Variants in PIN4 observed in about 807,000 individuals in gnomAD.
PIN4 encodes peptidylprolyl cis/trans isomerase, NIMA-interacting 4.
Under a neutral mutation model 8.3 loss-of-function variants are expected in PIN4, and 3 were observed. That is an observed-to-expected ratio of 0.36 (90% CI 0.16 to 0.93). PIN4 has a LOEUF of 0.93. PIN4 is among the 40% of genes least tolerant of loss of function. The pLI is 0.44. For synonymous variants in PIN4, 18 were observed against 32.5 expected (o/e 0.55, Z 1.52); for missense variants, 75 against 100.6 (o/e 0.75, Z 1.09).
At chrX:72,222,686 C>T (rs1383901031) in intron 3 of PIN4, among the ~76,000 whole-genome samples, 6 of 107,737 alleles carry the variant, frequency 5.6e-5, no homozygotes. Flanking sequence ...CAACCTCCGC[C>T]TCCCAGGTTC....
At chrX:72,236,558 T>C (rs2043018455) in intron 3 of PIN4, among the ~76,000 whole-genome samples, 1 of 111,923 alleles carries the variant, frequency 8.9e-6, no homozygotes, top group South Asian at 3.7e-4. Context: ...CCTCCCAAAG[T>C]GCTGGGATTA....
At chrX:72,240,818 G>T (rs749342135) in intron 3 of PIN4, among the ~76,000 whole-genome samples, 2 of 108,353 alleles carry the variant, frequency 1.8e-5, no homozygotes, top group South Asian at 8.6e-4. Context: ...GAAAAGGGTT[G>T]GGGGGAGGTG....
chrX:72,209,674 A>G lies in PIN4; in HGVS notation c.312+12770A>G, dbSNP rs765713796. On this transcript the variant is annotated intron_variant, in intron 3 of 3. Coordinates refer to the PIN4 transcript ENST00000423432. ...CATCATCTCTGGCCTGGATAACTGCAGCTTCCTACATAAACTGCTCTCCCT... is the reference window on the plus strand; with the variant it reads ...CATCATCTCTGGCCTGGATAACTGCGGCTTCCTACATAAACTGCTCTCCCT... Among the ~76,000 whole-genome samples, 3 of 111,573 alleles carry G rather than the reference A, an allele frequency of 2.7e-5. No homozygotes were observed. The East Asian group carries it at 8.5e-4, about 32-fold the overall frequency.
At chrX:72,218,874 A>G (rs753895334) in intron 3 of PIN4, among the ~76,000 whole-genome samples, 1 of 112,651 alleles carries the variant, frequency 8.9e-6, no homozygotes, top group South Asian at 3.6e-4. Context: ...AATTTCTTTC[A>G]ACAATGTTTT....
chrX:72,213,127 G>A (rs2042866058), intron 3 of PIN4, among the ~76,000 whole-genome samples: 1 of 111,926 alleles, frequency 8.9e-6, no homozygotes. Context: ...CATGTGAGTG[G>A]GGTTATTGCT....
chrX:72,238,964 T>A, intron 3 of PIN4: 1 of 1,005,043 alleles, frequency 9.9e-7, no homozygotes, highest in Non-Finnish European at 1.4e-6. Context: ...GCTTGGAGCT[T>A]GGAGCTTGGA....
At chrX:72,205,166 C>T (rs2042809554) in intron 3 of PIN4, 2 of 1,211,751 alleles carry the variant, frequency 1.7e-6, no homozygotes, top group Non-Finnish European at 2.2e-6. Flanking sequence ...ACAAGAGTCT[C>T]ATAGTCATTT....
At chrX:72,192,605 G>A (rs2042741624) in intron 2 of PIN4, among the ~76,000 whole-genome samples, 1 of 110,576 alleles carries the variant, frequency 9.0e-6, no homozygotes, top group African/African-American at 3.3e-5. Context: ...CTTTTTAAGA[G>A]ACAGGTTCTT....
intron 3 of PIN4, among the ~76,000 whole-genome samples, chrX:72,256,451 A>G (rs2043111229): frequency 8.9e-6 from 1 of 111,892 alleles, no homozygotes; most frequent in Non-Finnish European, 1.9e-5. Context: ...GCAGAGAAAA[A>G]GAATTCTTCC....
intron 3 of PIN4, among the ~76,000 whole-genome samples, chrX:72,221,909 AAAACCCCTTCCCTCG>A (rs1288680131): frequency 9.1e-6 from 1 of 109,576 alleles, no homozygotes; most frequent in Non-Finnish European, 1.9e-5. Context: ...CCCTTCCTCC[AAAACCCCTTCCCTCG>A]AAACCCCTTC....
At chrX:72,227,620 A>G (rs1003199509) in intron 3 of PIN4, among the ~76,000 whole-genome samples, 2 of 111,216 alleles carry the variant, frequency 1.8e-5, no homozygotes, top group Admixed American at 9.6e-5. Context: ...ATTTGGGAAT[A>G]TGCTGACAAA....
intron 3 of PIN4, among the ~76,000 whole-genome samples, chrX:72,246,157 T>A (rs1048358913): frequency 8.9e-6 from 1 of 111,806 alleles, no homozygotes; most frequent in African/African-American, 3.3e-5. Flanking sequence ...ATTTCCCATC[T>A]CCATGAATGG....
intron 3 of PIN4, among the ~76,000 whole-genome samples, chrX:72,225,835 T>C (rs1302784703): frequency 9.0e-6 from 1 of 111,338 alleles, no homozygotes; most frequent in Non-Finnish European, 1.9e-5. Context: ...AATCAGGCCC[T>C]TGGACTATTA....
At chrX:72,257,137 G>A (rs1057468673) in intron 3 of PIN4, among the ~76,000 whole-genome samples, 3 of 111,028 alleles carry the variant, frequency 2.7e-5, no homozygotes, top group African/African-American at 9.8e-5. Flanking sequence ...TGGCTAACAC[G>A]GTGAAACCCC....
chrX:72,199,354 A>T (rs1418031652), downstream of PIN4, among the ~76,000 whole-genome samples: 2 of 111,642 alleles, frequency 1.8e-5, no homozygotes, highest in Non-Finnish European at 3.8e-5. Flanking sequence ...CCTGGCCAAC[A>T]TGGTAAAACC....
intron 3 of PIN4, among the ~76,000 whole-genome samples, chrX:72,262,295 A>C (rs1408195322): frequency 8.9e-6 from 1 of 112,234 alleles, no homozygotes; most frequent in Admixed American, 9.5e-5. Context: ...GGCAGCATTC[A>C]GCGCCCCACC....
intron 3 of PIN4, among the ~76,000 whole-genome samples, chrX:72,261,038 C>T (rs1188560322): frequency 9.0e-6 from 1 of 111,696 alleles, no homozygotes; most frequent in East Asian, 2.8e-4. Context: ...TGGCTCATGC[C>T]TGTAATCCCA....
At chrX:72,249,048 A>G (rs974949924) in intron 3 of PIN4, among the ~76,000 whole-genome samples, 1 of 111,522 alleles carries the variant, frequency 9.0e-6, no homozygotes, top group African/African-American at 3.3e-5. Flanking sequence ...AATAATAATT[A>G]TGTTTGCGAT....
intron 3 of PIN4, chrX:72,238,942 C>CGGGAGTT (rs765093669): frequency 7.1e-6 from 8 of 1,133,005 alleles, no homozygotes; most frequent in African/African-American, 5.4e-5. Flanking sequence ...GTTACCCCGG[C>CGGGAGTT]GGGAGTTTGG....
Sources: gnomAD v4.1 joint callset for allele counts (sites outside exome capture counted in the v4.1 genomes callset) on GRCh38, gnomAD v4.1.1 for gene constraint, MANE v1.5 for transcripts, NCBI Gene and HGNC (gene_info 2026-07-23, HGNC 2026-07-21) for gene names.